MIOS: variants seen among roughly 807,000 people sequenced by gnomAD.
MIOS encodes GATOR2 complex protein MIOS.
In MIOS, 52 loss-of-function variants were observed where a neutral mutation model predicts 96.9. The observed-to-expected ratio is 0.54, with a 90% confidence interval of 0.43 to 0.68. The LOEUF is 0.68. Ranked by LOEUF, MIOS falls within the 30% of genes least tolerant of loss-of-function variation. The pLI is 0.00. For missense variants in MIOS, 1,005 were observed against 1,052.8 expected (o/e 0.95, Z 0.63); for synonymous variants, 397 against 359.5 (o/e 1.10, Z -1.18).
Position 7,585,647 on chromosome 7 carries a change from C to G in MIOS, c.1660C>G (p.Leu554Val). The G allele has an allele frequency of 6.3e-7, 1 of 1,584,418 alleles. No homozygotes were observed. Among genetic ancestry groups the G allele is most frequent in the South Asian group, 1.2e-5 (1 of 86,166 alleles). Residue 554 changes from leucine (L) to valine (V), a missense_variant, in exon 7 of 13, where the codon CTC becomes GTC. Physicochemically the swap from Leu to Val is conservative, Grantham distance 32. Transcript: ENST00000340080. ...TTTTTAATATGCAGGAGATCTGAAT[C>G]TCAATGTGGTAGCAATGGCTTTATC... The part of the protein sequence containing the change: ...GASSEKGDLN[L>V]NVVAMALSGY...
At position 7,608,687 on chromosome 7, in the gene MIOS, A is replaced by G. The variant is rs1286342683; in HGVS notation, c.*1595A>G. On this transcript the variant is annotated 3_prime_UTR_variant, in exon 13 of 13. Coordinates refer to ENST00000340080, the MANE Select transcript of MIOS (RefSeq NM_019005.4). ...TATTTCATTTGAAGTGTTCCTTTCA[A>G]ACTTACTGTCTTAAATATGAAAGTC... 1 of 152,032 alleles carries G rather than the reference A, an allele frequency of 6.6e-6. No individual in the cohort carries two copies. Among genetic ancestry groups the G allele is most frequent in the Non-Finnish European group, 1.5e-5 (1 of 67,922 alleles). The allele number at this position is 152,032 out of a possible 1,614,324, so 9.4% of individuals were successfully genotyped here.
chr7:7,577,092 T>A (rs1417457496), intron 5 of MIOS, among the ~76,000 whole-genome samples: 1 of 152,056 alleles, frequency 6.6e-6, no homozygotes, highest in Non-Finnish European at 1.5e-5. Flanking sequence ...ATAAATGATA[T>A]TTGATAGAGT....
Position 7,572,433 on chromosome 7 carries a change from C to A in MIOS, c.-40-3C>A, listed in dbSNP as rs1164640136. ...AAAACTTTTTATTTTTAAACATTTT[C>A]AGTGAATGGACCTGAGTGGACCCTT... On this transcript the variant is annotated splice_region_variant and splice_polypyrimidine_tract_variant and intron_variant, in intron 3 of 12. Coordinates refer to ENST00000340080, the MANE Select transcript of MIOS (RefSeq NM_019005.4). The surrounding 1 kb of genome is among the most constrained non-coding windows in gnomAD (Gnocchi z 4.8). The A allele has an allele frequency of 1.6e-5, 22 of 1,410,740 alleles. No individual in the cohort carries two copies. The highest frequency in any genetic ancestry group is 4.3e-5 in the African/African-American group (3 of 69,180). The allele number at this position is 1,410,740 out of a possible 1,614,324, so 87.4% of individuals were successfully genotyped here. A position where few individuals can be genotyped will look rare whatever the true frequency, so the allele number is the denominator to read the frequency against.
chr7:7,573,047 G>A lies in MIOS; in HGVS notation c.572G>A (p.Cys191Tyr). 2 of 1,613,988 alleles carry A rather than the reference G, an allele frequency of 1.2e-6. No homozygotes were observed. Among genetic ancestry groups the A allele is most frequent in the Non-Finnish European group, 1.7e-6 (2 of 1,179,932 alleles). Residue 191 changes from cysteine to tyrosine, a missense_variant, in exon 4 of 13, where the codon TGT (cysteine) becomes TAT (tyrosine). Coordinates refer to ENST00000340080, the MANE Select transcript of MIOS (RefSeq NM_019005.4). This position sits in a 1 kb window ranked among gnomAD's most constrained non-coding sequence, Gnocchi z 5.0. ...LGQNDACLSL[C>Y]WLPRDQKLLL... ...CAGAATGATGCTTGTCTGTCTCTTT[G>A]TTGGCTTCCACGAGACCAGAAACTT...
In MIOS at chr7:7,607,056, A is replaced by C. The variant is rs4222; in HGVS notation, c.2592A>C (p.Thr864=). 7.4e-6 allele frequency: 12 copies of C among 1,612,682 alleles called. No homozygotes were observed. Among genetic ancestry groups the C allele is most frequent in the African/African-American group, 1.3e-5 (1 of 74,744 alleles). The change falls in exon 13 of 13, where the codon ACA becomes ACC. Residue 864 remains threonine (T), a synonymous_variant. Transcript: ENST00000340080. The part of the protein sequence containing the change: ...CTCKCMQLDT[T]GNLVPAETVQ... ...GTAAATGTATGCAGTTGGATACAAC[A>C]GGGAATCTGGTACCTGCAGAGACTG...
rs1226645882 is a variant in MIOS, at chr7:7,572,078, TC to T, written c.-40-352del. 6.6e-6 allele frequency among the ~76,000 whole-genome samples: 1 copy of T among 152,206 alleles called. No individual in the cohort carries two copies. Among genetic ancestry groups the T allele is most frequent in the Admixed American group, 6.5e-5 (1 of 15,282 alleles). On this transcript the variant is annotated intron_variant, in intron 3 of 12. Transcript: ENST00000340080. The surrounding 1 kb of genome is among the most constrained non-coding windows in gnomAD (Gnocchi z 4.8). ...GCTTAGGAATATGATTCATAAGTTT[TC>T]CCCCCTTCAAAGGGATAATACTTAT...
chr7:7,579,789 C>T (rs974327966), intron 5 of MIOS, among the ~76,000 whole-genome samples: 2 of 152,088 alleles, frequency 1.3e-5, no homozygotes, highest in Non-Finnish European at 2.9e-5. Context: ...AGCAACAGGC[C>T]CATGTAGCCC....
intron 9 of MIOS, 152 bp from the exon 10 acceptor site, chr7:7,594,828 A>G (rs1037450798): frequency 2.7e-5 from 12 of 445,368 alleles, no homozygotes; most frequent in Admixed American, 4.9e-5. Context: ...GCTTCCATAA[A>G]TTTTCTTTAT....
In MIOS at chr7:7,589,684, C is replaced by T. The variant is rs866670100; in HGVS notation, c.2043+121C>T. On this transcript the variant is annotated intron_variant, in intron 9 of 12. Coordinates refer to ENST00000340080, the MANE Select transcript of MIOS (RefSeq NM_019005.4). ...ATCTTTAGAAGGCATTTAGTTTTAA[C>T]CTAATCAGTTGATCTACTGAAGACT... 77 of 1,061,660 alleles carry T rather than the reference C, an allele frequency of 7.3e-5. No individual in the cohort carries two copies. The Middle Eastern group carries it at 9.1e-4, about 13-fold the overall frequency. 65.8% of individuals were successfully genotyped at this position (1,061,660 alleles called of 1,614,324 possible).
chr7:7,567,343 T>G (rs1783177648), intron 1 of MIOS: 1 of 152,100 alleles, frequency 6.6e-6, no homozygotes, highest in African/African-American at 2.4e-5. Context: ...GGGAGCGGCG[T>G]CCCAGCCTTT....
chr7:7,569,230 G>T (rs151041927), intron 3 of MIOS, among the ~76,000 whole-genome samples: 1 of 152,092 alleles, frequency 6.6e-6, no homozygotes, highest in Non-Finnish European at 1.5e-5. Flanking sequence ...TTCCTGTTAC[G>T]TGAGGTGCCC....
chr7:7,589,713 G>A (rs999244269), intron 9 of MIOS, 150 bp downstream of exon 9: 5 of 779,376 alleles, frequency 6.4e-6, no homozygotes, highest in Admixed American at 6.0e-5. Flanking sequence ...GAAGACTTGT[G>A]CCTTATCTTA....
chr7:7,593,897 A>AAAAAAAAAAG (rs1563036584), intron 9 of MIOS, among the ~76,000 whole-genome samples: 6 of 92,914 alleles, frequency 6.5e-5, no homozygotes, highest in African/African-American at 2.7e-4. Context: ...AAAAAAAAAG[A>AAAAAAAAAAG]AAAAGAAAAG....
chr7:7,573,186 C>A lies in MIOS; in HGVS notation c.711C>A (p.His237Gln). The change falls in exon 4 of 13, where the codon CAC becomes CAA. Residue 237 changes from histidine to glutamine, a missense_variant. This residue lies in a region of MIOS where 865 missense variants were observed against 887.9 expected (regional missense o/e 0.97). Coordinates refer to ENST00000340080, the MANE Select transcript of MIOS (RefSeq NM_019005.4). This position sits in a 1 kb window ranked among gnomAD's most constrained non-coding sequence, Gnocchi z 5.0. ...GTGTGACGGTAGACCCATATTTCCA[C>A]GATCGTGTTGCTTCCTTCTATGAAG... ...VQGVTVDPYF[H>Q]DRVASFYEGQ... The A allele has an allele frequency of 6.2e-7, 1 of 1,614,068 alleles. No individual in the cohort carries two copies. The highest frequency in any genetic ancestry group is 8.5e-7 in the Non-Finnish European group (1 of 1,179,958).
At chr7:7,606,533 G>A (rs971639637) in intron 12 of MIOS, among the ~76,000 whole-genome samples, 2 of 152,148 alleles carry the variant, frequency 1.3e-5, no homozygotes, top group Non-Finnish European at 2.9e-5. Context: ...GTGGCCCTGT[G>A]CTCCTGGTTG....
intron 5 of MIOS, among the ~76,000 whole-genome samples, chr7:7,578,020 C>T (rs528614126): frequency 3.9e-5 from 6 of 152,052 alleles, no homozygotes; most frequent in Admixed American, 6.5e-5. Context: ...GAAGACACTG[C>T]GAGGTTGTGA....
At chr7:7,606,706 A>G (rs544685614) in intron 12 of MIOS, among the ~76,000 whole-genome samples, 5 of 152,254 alleles carry the variant, frequency 3.3e-5, no homozygotes, top group African/African-American at 1.2e-4. Context: ...GTAGTTTATA[A>G]TTTGATGCTT....
chr7:7,572,426 A>C lies in MIOS; in HGVS notation c.-40-10A>C. 7.3e-7 allele frequency: 1 copy of C among 1,379,118 alleles called. No individual in the cohort carries two copies. The highest frequency in any genetic ancestry group is 9.9e-7 in the Non-Finnish European group (1 of 1,013,424). The allele number at this position is 1,379,118 out of a possible 1,614,324, so 85.4% of individuals were successfully genotyped here. The stretch of plus-strand genomic sequence containing the variant: ...ATATTTTAAAACTTTTTATTTTTAA[A>C]CATTTTCAGTGAATGGACCTGAGTG... On this transcript the variant is annotated splice_polypyrimidine_tract_variant and intron_variant, in intron 3 of 12. Transcript: ENST00000340080. The surrounding 1 kb of genome is among the most constrained non-coding windows in gnomAD (Gnocchi z 4.8).
chr7:7,572,640 A>G lies in MIOS; in HGVS notation c.165A>G (p.Ser55=). 1.2e-6 allele frequency: 2 copies of G among 1,614,172 alleles called. No homozygotes were observed. Among genetic ancestry groups the G allele is most frequent in the Non-Finnish European group, 1.7e-6 (2 of 1,180,012 alleles). Reference sequence around the variant, plus strand: ...AAGACTCTGCAGCTACATTACTGTCAATAAATTCAGATACACCCTATATGA... The same window carrying G: ...AAGACTCTGCAGCTACATTACTGTCGATAAATTCAGATACACCCTATATGA... ...LSEDSAATLL[S]INSDTPYMKC... is the part of the protein sequence containing the mutation. Residue 55 remains serine (S), a synonymous_variant, in exon 4 of 13, where the codon TCA becomes TCG. Transcript: ENST00000340080. This position sits in a 1 kb window ranked among gnomAD's most constrained non-coding sequence, Gnocchi z 4.8.
Sources: allele counts gnomAD v4.1 joint callset (sites outside exome capture counted in the v4.1 genomes callset), GRCh38; gene constraint gnomAD v4.1.1; regional missense constraint gnomAD v4.1.1; non-coding constraint Gnocchi (gnomAD v3.1); transcripts MANE v1.5; gene names NCBI Gene and HGNC (gene_info 2026-07-23, HGNC 2026-07-21).